The following TTC28 variants were observed in gnomAD, a reference collection of about 807,000 sequenced individuals.
TTC28 encodes tetratricopeptide repeat protein 28.
Under a neutral mutation model 198.0 loss-of-function variants are expected in TTC28, and 61 were observed. The observed-to-expected ratio is 0.31, with a 90% CI of 0.25 to 0.38. The LOEUF is 0.38. Among genes scored for constraint, TTC28 ranks in the 10% least tolerant of loss-of-function variants. The probability of loss-of-function intolerance (pLI) is 1.00; values close to 1 mark genes in which losing one functional copy is unlikely to be tolerated. For missense variants in TTC28, 2,678 were observed against 3,164.0 expected (o/e 0.85, Z 3.69); for synonymous variants, 1,171 against 1,297.8 (o/e 0.90, Z 2.10).
intron 2 of TTC28, among the ~76,000 whole-genome samples, chr22:28,614,390 A>G (rs2050868039): frequency 6.6e-6 from 1 of 152,236 alleles, no homozygotes; most frequent in African/African-American, 2.4e-5. Flanking sequence ...TATAGATTCA[A>G]TGCTATCCCC....
At position 28,107,726 on chromosome 22, in the gene TTC28, G is replaced by A; in HGVS notation, c.2119C>T (p.Leu707=). ...CGAAATTTAGCCTGGGAATTATTCA[G>A]AGACTGGGCTAGGGACAGTAGGTAC... ...QKYLLSLAQS[L]NNSQAKFRAL... The change falls in exon 7 of 23, where the codon CTG becomes TTG. Residue 707 remains leucine, a synonymous_variant. Coordinates refer to ENST00000397906, the MANE Select transcript of TTC28 (RefSeq NM_001145418.2). 1 of 1,551,876 alleles carries A rather than the reference G, an allele frequency of 6.4e-7. No homozygotes were observed. The highest frequency in any genetic ancestry group is 2.4e-5 in the East Asian group (1 of 40,916).
chr22:28,121,325 G>C (rs1218808561), intron 6 of TTC28, among the ~76,000 whole-genome samples: 1 of 152,158 alleles, frequency 6.6e-6, no homozygotes, highest in Non-Finnish European at 1.5e-5. Flanking sequence ...CATACATCAG[G>C]AAGGGTGGGT....
chr22:28,335,639 T>A (rs1231130709), intron 2 of TTC28, among the ~76,000 whole-genome samples: 10 of 152,182 alleles, frequency 6.6e-5, no homozygotes, highest in Non-Finnish European at 1.2e-4. Context: ...GCTCTCTGTT[T>A]GTCTGTTATT....
chr22:28,606,012 T>C (rs1218204662), intron 2 of TTC28, among the ~76,000 whole-genome samples: 2 of 152,060 alleles, frequency 1.3e-5, no homozygotes, highest in African/African-American at 4.8e-5. Context: ...TTATCTTGAC[T>C]GAATCCTTCT....
intron 12 of TTC28, among the ~76,000 whole-genome samples, chr22:28,038,882 A>G (rs1156403327): frequency 6.6e-6 from 1 of 152,242 alleles, no homozygotes; most frequent in Non-Finnish European, 1.5e-5. Context: ...CATTTCTCCA[A>G]AGAAGACATT....
intron 12 of TTC28, among the ~76,000 whole-genome samples, chr22:28,035,105 C>G (rs1939283230): frequency 6.6e-6 from 1 of 152,214 alleles, no homozygotes; most frequent in African/African-American, 2.4e-5. Flanking sequence ...ATTCCCCTGA[C>G]AGTTGCAACT....
At chr22:28,638,262 A>G (rs1397561779) in intron 1 of TTC28, among the ~76,000 whole-genome samples, 1 of 152,164 alleles carries the variant, frequency 6.6e-6, no homozygotes, top group African/African-American at 2.4e-5. Context: ...ATTCTATTAT[A>G]AATTTTGATT....
At chr22:28,614,209 A>G (rs1352450872) in intron 2 of TTC28, among the ~76,000 whole-genome samples, 1 of 152,218 alleles carries the variant, frequency 6.6e-6, no homozygotes, top group African/African-American at 2.4e-5. Context: ...TGCAAAGAGA[A>G]TGAAATATCT....
chr22:28,194,939 G>A lies in TTC28; in HGVS notation c.934-31340C>T, dbSNP rs1350351754. On this transcript the variant is annotated intron_variant, in intron 5 of 22. Coordinates refer to ENST00000397906, the MANE Select transcript of TTC28 (RefSeq NM_001145418.2). ...GAATCCTCCCTAACTCATTTTATGAGGCCAGCATCATCCTGATACCAAAGC... is the reference window on the plus strand; with the variant it reads ...GAATCCTCCCTAACTCATTTTATGAAGCCAGCATCATCCTGATACCAAAGC... Among the ~76,000 whole-genome samples, 5 of 29,930 alleles carry A rather than the reference G, an allele frequency of 1.7e-4. No individual in the cohort carries two copies. The East Asian group carries it at 3.0e-3, about 18-fold the overall frequency. The allele number at this position is 29,930 out of a possible 152,430, so 19.6% of individuals were successfully genotyped here.
chr22:28,459,736 A>T (rs1362969022), intron 2 of TTC28: 3 of 152,084 alleles, frequency 2.0e-5, no homozygotes, highest in African/African-American at 4.8e-5. Context: ...GTCTCTGACT[A>T]CCCAGAAATC....
chr22:28,672,937 A>T (rs1020314003), intron 1 of TTC28, among the ~76,000 whole-genome samples: 4 of 152,250 alleles, frequency 2.6e-5, no homozygotes, highest in African/African-American at 9.6e-5. Context: ...GTAATCTGGA[A>T]TGTGATTTTT....
intron 10 of TTC28, among the ~76,000 whole-genome samples, chr22:28,098,696 AC>A (rs1942044082): frequency 6.6e-6 from 1 of 151,954 alleles, no homozygotes; most frequent in African/African-American, 2.4e-5. Context: ...CTTGACTGTA[AC>A]CCCCAGGGCA....
At chr22:28,185,630 T>A (rs1031519940) in intron 5 of TTC28, among the ~76,000 whole-genome samples, 16 of 152,054 alleles carry the variant, frequency 1.1e-4, no homozygotes, top group African/African-American at 3.6e-4. Context: ...AAGGAAAAAA[T>A]TGTTGTAATT....
intron 2 of TTC28, among the ~76,000 whole-genome samples, chr22:28,358,597 T>C (rs917687430): frequency 1.3e-5 from 2 of 152,210 alleles, no homozygotes; most frequent in African/African-American, 4.8e-5. Context: ...GGTATGCTAA[T>C]AGTCCCACAA....
intron 2 of TTC28, among the ~76,000 whole-genome samples, chr22:28,359,020 A>T (rs911166511): frequency 2.0e-5 from 3 of 152,208 alleles, no homozygotes; most frequent in African/African-American, 7.2e-5. Context: ...ACTGAACTAT[A>T]TAACAAAATC....
chr22:28,211,711 A>G (rs1926983629), intron 5 of TTC28, among the ~76,000 whole-genome samples: 1 of 152,178 alleles, frequency 6.6e-6, no homozygotes, highest in East Asian at 1.9e-4. Flanking sequence ...TGTCAACATT[A>G]GACAGATCAA....
At chr22:28,373,807 A>C (rs1250032190) in intron 2 of TTC28, among the ~76,000 whole-genome samples, 2 of 6,156 alleles carry the variant, frequency 3.2e-4, no homozygotes, top group Non-Finnish European at 5.7e-4. Flanking sequence ...CAGTATAGGC[A>C]AAAAACATAA....
intron 1 of TTC28, among the ~76,000 whole-genome samples, chr22:28,662,140 C>T (rs918446576): frequency 3.9e-5 from 6 of 152,116 alleles, no homozygotes; most frequent in Non-Finnish European, 8.8e-5. Context: ...TGATAATAAA[C>T]TTAATGTCAA....
Position 27,998,868 on chromosome 22 carries a change from G to T in TTC28, c.4791C>A (p.Asp1597Glu). 1.3e-6 allele frequency: 2 copies of T among 1,550,156 alleles called. No homozygotes were observed. The highest frequency in any genetic ancestry group is 8.7e-7 in the Non-Finnish European group (1 of 1,146,968). ...DDASDGESIS[D>E]CPPLQELLLT... ...GCAGCAGCTCCTGCAGGGGCGGGCA[G>T]TCCGAGATGCTCTCCCCATCACTGG... Residue 1597 changes from aspartate to glutamate, a missense_variant, in exon 16 of 23, where the codon GAC becomes GAA. Asp to Glu is a conservative substitution (Grantham distance 45). Coordinates refer to ENST00000397906, the MANE Select transcript of TTC28 (RefSeq NM_001145418.2).
Sources: gnomAD v4.1 joint callset for allele counts (sites outside exome capture counted in the v4.1 genomes callset) on GRCh38, gnomAD v4.1.1 for gene constraint, MANE v1.5 for transcripts, NCBI Gene and HGNC (gene_info 2026-07-23, HGNC 2026-07-21) for gene names.